The following HIVEP2 variants were observed in gnomAD, a reference collection of about 807,000 sequenced individuals.
HIVEP2 encodes the protein transcription factor HIVEP2.
A neutral mutation model predicts 180.7 loss-of-function variants in HIVEP2; 14 were observed. The ratio of observed to expected loss-of-function variants is 0.08; its 90% confidence interval spans 0.05 to 0.12. The LOEUF (loss-of-function observed/expected upper bound fraction) is 0.12, where lower values mean the gene tolerates loss of function less well. Ranked by LOEUF, HIVEP2 falls within the 10% of genes least tolerant of loss-of-function variation. The pLI is 1.00. For missense variants in HIVEP2, 2,579 were observed against 3,008.5 expected (o/e 0.86, Z 3.34); for synonymous variants, 1,184 against 1,136.4 (o/e 1.04, Z -0.84).
intron 1 of HIVEP2, among the ~76,000 whole-genome samples, chr6:142,892,414 A>T (rs750569089): frequency 4.6e-5 from 7 of 152,176 alleles, no homozygotes; most frequent in Non-Finnish European, 1.0e-4. Flanking sequence ...GAGGTGCCAG[A>T]GAAATAAGCA....
At chr6:142,847,819 T>C (rs1377789130) in intron 1 of HIVEP2, among the ~76,000 whole-genome samples, 3 of 152,222 alleles carry the variant, frequency 2.0e-5, no homozygotes, top group Non-Finnish European at 4.4e-5. Flanking sequence ...ACATGAAGTC[T>C]ACTAATATTA....
At chr6:142,839,905 T>C (rs1283887372) in intron 1 of HIVEP2, among the ~76,000 whole-genome samples, 2 of 152,172 alleles carry the variant, frequency 1.3e-5, no homozygotes, top group African/African-American at 2.4e-5. Flanking sequence ...TTTTCCTGAA[T>C]ACTATTCTAC....
chr6:142,770,242 T>A lies in HIVEP2; in HGVS notation c.4497A>T (p.Gly1499=). 6.2e-7 allele frequency: 1 copy of A among 1,614,200 alleles called. No individual in the cohort carries two copies. Among genetic ancestry groups the A allele is most frequent in the Non-Finnish European group, 8.5e-7 (1 of 1,180,044 alleles). Reference sequence around the variant, plus strand: ...AGCCATCTTTTGGCTCAGAAGCACATCCTTGTCGAACCAGCTGGGGTTTCT... The same window carrying A: ...AGCCATCTTTTGGCTCAGAAGCACAACCTTGTCGAACCAGCTGGGGTTTCT... The part of the protein sequence containing the change: ...RPQKPQLVRQ[G]CASEPKDGLQ... Residue 1499 remains glycine (G), a synonymous_variant, in exon 5 of 10, where the codon GGA becomes GGT. Coordinates refer to ENST00000367603, the MANE Select transcript of HIVEP2 (RefSeq NM_006734.4). This position sits in a 1 kb window ranked among gnomAD's most constrained non-coding sequence, Gnocchi z 4.7.
rs9403415 is a variant in HIVEP2 at position 142,896,736 on chromosome 6, T to C, written c.-641+48363A>G. ...ATAAACTTAGTAGTATACCTCCTTC[T>C]GCCCCAATCAGTCCTTTCTGGTGCT... On this transcript the variant is annotated intron_variant, in intron 1 of 9. Coordinates refer to ENST00000367603, the MANE Select transcript of HIVEP2 (RefSeq NM_006734.4). Among the ~76,000 whole-genome samples the C allele has an allele frequency of 8.4e-3, 1,280 of 152,356 alleles. 83 individuals are homozygous for C. The East Asian group carries it at 0.17, about 20-fold the overall frequency.
At chr6:142,845,582 T>C (rs1425549290) in intron 1 of HIVEP2, among the ~76,000 whole-genome samples, 5 of 152,324 alleles carry the variant, frequency 3.3e-5, no homozygotes, top group Non-Finnish European at 7.3e-5. Flanking sequence ...AGAGTTAAAT[T>C]TGCAACAGCA....
intron 1 of HIVEP2, among the ~76,000 whole-genome samples, chr6:142,874,631 T>A (rs1292058330): frequency 2.0e-5 from 3 of 151,998 alleles, no homozygotes; most frequent in Non-Finnish European, 4.4e-5. Flanking sequence ...TACTCTTCTA[T>A]GAGGGGTAGA....
chr6:142,840,107 C>G (rs1051601032), intron 1 of HIVEP2, among the ~76,000 whole-genome samples: 5 of 152,008 alleles, frequency 3.3e-5, no homozygotes, highest in African/African-American at 4.8e-5. Context: ...CAGAGTACCC[C>G]CTTCATCATG....
intron 1 of HIVEP2, among the ~76,000 whole-genome samples, chr6:142,852,871 T>C (rs1231178800): frequency 2.0e-5 from 3 of 152,234 alleles, no homozygotes; most frequent in Non-Finnish European, 2.9e-5. Flanking sequence ...GTATCTTTCC[T>C]AGTCTAAAAT....
intron 2 of HIVEP2, among the ~76,000 whole-genome samples, chr6:142,817,947 A>C: frequency 6.6e-6 from 1 of 151,848 alleles, no homozygotes; most frequent in South Asian, 2.1e-4. Context: ...CGGAGGTTGC[A>C]GTGAGCCAAG....
In HIVEP2 at chr6:142,769,805, G is replaced by T; in HGVS notation, c.4934C>A (p.Thr1645Asn). 6.2e-7 allele frequency: 1 copy of T among 1,614,234 alleles called. No individual in the cohort carries two copies. Among genetic ancestry groups the T allele is most frequent in the Non-Finnish European group, 8.5e-7 (1 of 1,180,038 alleles). ...ILQFPSLRTT[T>N]TVSWCFLNYT... The stretch of plus-strand genomic sequence containing the variant: ...ATTCAAGAAGCACCAACTCACAGTA[G>T]TTGTTGTCCGCAGACTGGGGAACTG... The change falls in exon 5 of 10, where the codon ACT becomes AAT. Residue 1645 changes from threonine to asparagine, a missense_variant. Physicochemically the swap from Thr to Asn is moderately conservative, Grantham distance 65. Transcript: ENST00000367603.
chr6:142,865,346 A>G (rs1218741043), intron 1 of HIVEP2, among the ~76,000 whole-genome samples: 2 of 152,142 alleles, frequency 1.3e-5, no homozygotes, highest in African/African-American at 4.8e-5. Context: ...ATGCTGAGTG[A>G]AAGACATAAA....
chr6:142,830,233 T>C (rs1775041008), intron 2 of HIVEP2, among the ~76,000 whole-genome samples: 1 of 152,120 alleles, frequency 6.6e-6, no homozygotes, highest in Admixed American at 6.5e-5. Context: ...CTCCCCGAAC[T>C]AGACTGCCTC....
At chr6:142,814,370 GA>G (rs1183198089) in intron 2 of HIVEP2, among the ~76,000 whole-genome samples, 8 of 152,284 alleles carry the variant, frequency 5.3e-5, no homozygotes, top group African/African-American at 1.9e-4. Flanking sequence ...GTCTTTTAGA[GA>G]AACAACTTTG....
chr6:142,906,992 T>C (rs953797104), intron 1 of HIVEP2, among the ~76,000 whole-genome samples: 1 of 152,166 alleles, frequency 6.6e-6, no homozygotes, highest in Non-Finnish European at 1.5e-5. Flanking sequence ...ATCTCCCAAA[T>C]GCATCAACCA....
chr6:142,814,807 A>C (rs1776790303), intron 2 of HIVEP2, among the ~76,000 whole-genome samples: 1 of 152,190 alleles, frequency 6.6e-6, no homozygotes, highest in Admixed American at 6.5e-5. Flanking sequence ...AATAGTAGTC[A>C]AAGAAATCAA....
chr6:142,914,040 A>G (rs996698259), intron 1 of HIVEP2, among the ~76,000 whole-genome samples: 3 of 151,350 alleles, frequency 2.0e-5, no homozygotes, highest in African/African-American at 7.3e-5. Flanking sequence ...GTGCTTGGAG[A>G]TTGCAGTCAT....
intron 1 of HIVEP2, among the ~76,000 whole-genome samples, chr6:142,865,919 C>T (rs533559976): frequency 6.6e-6 from 1 of 152,296 alleles, no homozygotes; most frequent in African/African-American, 2.4e-5. Flanking sequence ...AAGACAGCCT[C>T]TTCTTACAGT....
chr6:142,939,630 C>G (rs1778130023), intron 1 of HIVEP2, among the ~76,000 whole-genome samples: 1 of 152,164 alleles, frequency 6.6e-6, no homozygotes, highest in African/African-American at 2.4e-5. Flanking sequence ...TCATAAGAAC[C>G]CTCTAATCTT....
At chr6:142,767,070 G>T (rs1654435801) in intron 6 of HIVEP2, among the ~76,000 whole-genome samples, 1 of 152,156 alleles carries the variant, frequency 6.6e-6, no homozygotes, top group Non-Finnish European at 1.5e-5. Context: ...CCAAAACACA[G>T]CAATAAAATG....
Sources: gnomAD v4.1 joint callset for allele counts (sites outside exome capture counted in the v4.1 genomes callset) on GRCh38, gnomAD v4.1.1 for gene constraint, Gnocchi (gnomAD v3.1) non-coding constraint, MANE v1.5 for transcripts, NCBI Gene and HGNC (gene_info 2026-07-23, HGNC 2026-07-21) for gene names.